The following ACCSL variants were observed in gnomAD, a reference collection of about 807,000 sequenced individuals.
The protein encoded by ACCSL is 1-aminocyclopropane-1-carboxylate synthase homolog (inactive) like.
In ACCSL, 55 loss-of-function variants were observed where a neutral mutation model predicts 61.7. That is an observed-to-expected ratio of 0.89 (90% CI 0.72 to 1.12). ACCSL has a LOEUF of 1.12. Among genes scored for constraint, ACCSL ranks in the 50% most tolerant of loss-of-function variants. The probability of loss-of-function intolerance (pLI) is 0.00; values close to 1 mark genes in which losing one functional copy is unlikely to be tolerated. For missense variants in ACCSL, 632 were observed against 698.0 expected, an observed-to-expected ratio of 0.91 and a Z score of 1.07; for synonymous variants, 258 against 264.3, an observed-to-expected ratio of 0.98 and a Z score of 0.23.
At chr11:44,040,067 A>T in the ACCSL span, among the ~76,000 whole-genome samples, 1 of 152,238 alleles carries the variant, frequency 6.6e-6, no homozygotes, top group African/African-American at 2.4e-5. Context: ...GGGCCTGGGC[A>T]GATTGGGATC....
At chr11:44,050,184 C>T (rs1952627735) in intron 2 of ACCSL, 63 bp downstream of exon 2, 1 of 1,403,668 alleles carries the variant, frequency 7.1e-7, no homozygotes, top group Non-Finnish European at 1.0e-6. Context: ...CTAGCGTGCT[C>T]CTGAGCTATG....
the ACCSL span, among the ~76,000 whole-genome samples, chr11:44,011,303 C>T: frequency 2.0e-5 from 3 of 152,164 alleles, no homozygotes; most frequent in South Asian, 2.1e-4. Context: ...GTACTTCTCC[C>T]CAGCACTCAT....
the ACCSL span, among the ~76,000 whole-genome samples, chr11:44,020,052 A>T: frequency 6.6e-6 from 1 of 152,210 alleles, no homozygotes; most frequent in African/African-American, 2.4e-5. Context: ...GTTGAAAATC[A>T]ATTGACCATA....
At chr11:44,017,985 C>T in the ACCSL span, among the ~76,000 whole-genome samples, 1 of 152,082 alleles carries the variant, frequency 6.6e-6, no homozygotes, top group African/African-American at 2.4e-5. Flanking sequence ...GGATGGCTCC[C>T]AGGAAACCAG....
At chr11:43,973,331 G>A in the ACCSL span, among the ~76,000 whole-genome samples, 2 of 152,182 alleles carry the variant, frequency 1.3e-5, no homozygotes, top group East Asian at 3.8e-4. Context: ...GTTTTAGTGT[G>A]AGTGTTCTAT....
the ACCSL span, among the ~76,000 whole-genome samples, chr11:43,930,291 C>G: frequency 6.6e-6 from 1 of 152,128 alleles, no homozygotes; most frequent in Non-Finnish European, 1.5e-5. Context: ...CTCTTCCTGC[C>G]CTTGGTCTCA....
At chr11:43,929,604 G>A in the ACCSL span, among the ~76,000 whole-genome samples, 88 of 152,002 alleles carry the variant, frequency 5.8e-4, no homozygotes, top group Middle Eastern at 3.4e-3. Flanking sequence ...ATGGGGTTTC[G>A]CCATGTTGGC....
the ACCSL span, among the ~76,000 whole-genome samples, chr11:44,028,011 C>A: frequency 1.9e-3 from 288 of 152,040 alleles, no homozygotes; most frequent in Non-Finnish European, 3.1e-3. Flanking sequence ...CAAGTCTTCT[C>A]AAAAAAATTA....
chr11:44,059,233 C>A lies in ACCSL; in HGVS notation c.1624+534C>A, dbSNP rs76447378. Among the ~76,000 whole-genome samples the A allele has an allele frequency of 9.9e-5, 15 of 152,274 alleles. No individual in the cohort carries two copies. The East Asian group carries it at 2.5e-3, about 25-fold the overall frequency. ...CTCCAGCCTGGGCGACAGAGTGAGA[C>A]TGTTTCAAGAAAACAAAAACAAACA... On this transcript the variant is annotated intron_variant, in intron 13 of 13. Transcript: ENST00000378832.
chr11:44,006,540 C>A, the ACCSL span, among the ~76,000 whole-genome samples: 4 of 127,300 alleles, frequency 3.1e-5, no homozygotes, highest in African/African-American at 1.2e-4. Context: ...GAGTCTCGCT[C>A]TGTTACCCAG....
At chr11:43,948,339 G>A in the ACCSL span, among the ~76,000 whole-genome samples, 1 of 151,920 alleles carries the variant, frequency 6.6e-6, no homozygotes, top group Non-Finnish European at 1.5e-5. Context: ...GAGCACCTCC[G>A]ATCAACACTC....
chr11:44,028,591 C>G, the ACCSL span, among the ~76,000 whole-genome samples: 2 of 152,170 alleles, frequency 1.3e-5, no homozygotes, highest in Admixed American at 1.3e-4. Context: ...CTAGTCATCC[C>G]TGCGTCACCT....
the ACCSL span, among the ~76,000 whole-genome samples, chr11:43,982,920 A>C: frequency 6.6e-6 from 1 of 152,218 alleles, no homozygotes; most frequent in Non-Finnish European, 1.5e-5. Flanking sequence ...GCCTCTGCCC[A>C]GGTCACTCTG....
the ACCSL span, among the ~76,000 whole-genome samples, chr11:43,966,448 A>G: frequency 6.6e-6 from 1 of 151,912 alleles, no homozygotes; most frequent in Admixed American, 6.6e-5. Flanking sequence ...AAGAAAAAAA[A>G]ATTAAAAGCT....
chr11:43,964,898 T>C, the ACCSL span, among the ~76,000 whole-genome samples: 6 of 152,130 alleles, frequency 3.9e-5, no homozygotes, highest in African/African-American at 1.4e-4. Flanking sequence ...TAACACATTT[T>C]CATCAGAAAA....
At chr11:43,961,509 C>G in the ACCSL span, among the ~76,000 whole-genome samples, 1 of 152,122 alleles carries the variant, frequency 6.6e-6, no homozygotes, top group Non-Finnish European at 1.5e-5. Flanking sequence ...AAAGATGCCT[C>G]TTCTGCATTT....
At chr11:43,994,778 C>G in the ACCSL span, among the ~76,000 whole-genome samples, 13 of 151,922 alleles carry the variant, frequency 8.6e-5, no homozygotes, top group Non-Finnish European at 1.8e-4. Flanking sequence ...GACTACAATG[C>G]GCGTGCCACC....
At chr11:43,931,613 T>C in the ACCSL span, among the ~76,000 whole-genome samples, 1 of 152,170 alleles carries the variant, frequency 6.6e-6, no homozygotes, top group African/African-American at 2.4e-5. Flanking sequence ...TGAGCCTCTT[T>C]CCTTGAACAA....
At chr11:44,025,755 C>CA in the ACCSL span, among the ~76,000 whole-genome samples, 82,808 of 151,700 alleles carry the variant, frequency 0.55, 22,920 homozygotes, top group Admixed American at 0.6. Flanking sequence ...CTCTCAGTTA[C>CA]AAAAAAAATC....
Sources: gnomAD v4.1 joint callset for allele counts (sites outside exome capture counted in the v4.1 genomes callset) on GRCh38, gnomAD v4.1.1 for gene constraint, MANE v1.5 for transcripts, NCBI Gene and HGNC (gene_info 2026-07-23, HGNC 2026-07-21) for gene names.